GYPC: variants seen among roughly 807,000 people sequenced by gnomAD.
GYPC encodes glycophorin-C.
In GYPC, 14 loss-of-function variants were observed where a neutral mutation model predicts 12.6. That is an observed-to-expected ratio of 1.11 (90% CI 0.74 to 1.74). The LOEUF (loss-of-function observed/expected upper bound fraction) is 1.74. Among genes scored for constraint, GYPC ranks in the 40% most tolerant of loss-of-function variants. The pLI, the probability that GYPC is intolerant of heterozygous loss-of-function variation, is 0.00. For synonymous variants in GYPC, 78 were observed against 62.1 expected (o/e 1.26, Z -1.20); for missense variants, 225 against 172.1 (o/e 1.31, Z -1.72).
chr2:126,665,484 A>G (rs1184938794), intron 1 of GYPC, among the ~76,000 whole-genome samples: 1 of 152,210 alleles, frequency 6.6e-6, no homozygotes, highest in Non-Finnish European at 1.5e-5. Flanking sequence ...GTAAGGGGGA[A>G]CCACCGATTC....
intron 1 of GYPC, among the ~76,000 whole-genome samples, chr2:126,674,772 C>T (rs1183925591): frequency 6.6e-6 from 1 of 152,164 alleles, no homozygotes; most frequent in East Asian, 1.9e-4. Context: ...TGGAGGGGTT[C>T]ACCCCTCCGA....
chr2:126,692,754 C>T (rs939767687), intron 2 of GYPC, among the ~76,000 whole-genome samples: 39 of 152,220 alleles, frequency 2.6e-4, no homozygotes, highest in African/African-American at 9.1e-4. Flanking sequence ...TGGTCCTTCC[C>T]ACAGCAGAGT....
At chr2:126,662,269 T>C (rs148091078) in intron 1 of GYPC, among the ~76,000 whole-genome samples, 28 of 152,232 alleles carry the variant, frequency 1.8e-4, no homozygotes, top group Non-Finnish European at 3.2e-4. Flanking sequence ...TCTCCTGTAT[T>C]CACCGGGCAA....
chr2:126,693,344 G>T (rs1184822519), intron 2 of GYPC, among the ~76,000 whole-genome samples: 1 of 152,166 alleles, frequency 6.6e-6, no homozygotes, highest in African/African-American at 2.4e-5. Flanking sequence ...AGTGGGAGTA[G>T]TATGAGGCCC....
rs371398286 is a variant in GYPC, at chr2:126,690,353, G to A, written c.106+42G>A. ...GAGCCTCACCATAATGGAAACTGCCGTGACTTCAGATGAGCTCTCATCACA... is the reference window on the plus strand; with the variant it reads ...GAGCCTCACCATAATGGAAACTGCCATGACTTCAGATGAGCTCTCATCACA... On this transcript the variant is annotated intron_variant, in intron 2 of 3. Coordinates refer to ENST00000259254, the MANE Select transcript of GYPC (RefSeq NM_002101.5). 430 of 1,427,262 alleles carry A rather than the reference G, an allele frequency of 3.0e-4. 2 individuals carry two copies. The highest frequency in any genetic ancestry group is 1.0e-3 in the Middle Eastern group (6 of 5,716). The allele number at this position is 1,427,262 out of a possible 1,614,324, so 88.4% of individuals were successfully genotyped here.
intron 2 of GYPC, among the ~76,000 whole-genome samples, chr2:126,690,920 TTAA>T (rs1164185932): frequency 6.6e-6 from 1 of 151,948 alleles, no homozygotes; most frequent in African/African-American, 2.4e-5. Context: ...CAGCAGCTTA[TTAA>T]TAACTCAGGA....
At chr2:126,679,354 T>G (rs1166601923) in intron 1 of GYPC, among the ~76,000 whole-genome samples, 1 of 152,154 alleles carries the variant, frequency 6.6e-6, no homozygotes, top group Non-Finnish European at 1.5e-5. Flanking sequence ...TGACAGTCAT[T>G]AATGTCATTG....
intron 2 of GYPC, among the ~76,000 whole-genome samples, chr2:126,691,475 G>T (rs1208707265): frequency 6.6e-6 from 1 of 152,110 alleles, no homozygotes; most frequent in East Asian, 1.9e-4. Flanking sequence ...TGCTCCTCCT[G>T]CAGACTCACC....
intron 1 of GYPC, among the ~76,000 whole-genome samples, chr2:126,670,352 G>A (rs1389961898): frequency 2.2e-4 from 34 of 152,168 alleles, no homozygotes; most frequent in Admixed American, 2.2e-3. Flanking sequence ...TCCAACCAGT[G>A]CACTCACAGA....
At position 126,686,526 on chromosome 2, in the gene GYPC, G is replaced by A. The variant is rs574470533; in HGVS notation, c.50-3729G>A. 1.6e-3 allele frequency: 1,549 copies of A among 985,450 alleles called. 4 individuals carry two copies. The highest frequency in any genetic ancestry group is 1.7e-3 in the Non-Finnish European group (1,431 of 829,950). 61.0% of individuals were successfully genotyped at this position (985,450 alleles called of 1,614,324 possible). On this transcript the variant is annotated intron_variant, in intron 1 of 3. Transcript: ENST00000259254. ...GTGAAGGCTGCAGTTTAGTTGGTTC[G>A]TGGTTCCCCAGAAGGCTTTCAAACA...
At chr2:126,677,148 C>G (rs989768678) in intron 1 of GYPC, among the ~76,000 whole-genome samples, 2 of 151,722 alleles carry the variant, frequency 1.3e-5, no homozygotes, top group African/African-American at 4.8e-5. Context: ...GTGTGTGCAC[C>G]TGTCTGTGCA....
chr2:126,684,950 G>A (rs1054462582), intron 1 of GYPC, among the ~76,000 whole-genome samples: 5 of 152,152 alleles, frequency 3.3e-5, no homozygotes, highest in Non-Finnish European at 7.3e-5. Flanking sequence ...CCTCTCCCCT[G>A]TAACTCTGTG....
intron 1 of GYPC, among the ~76,000 whole-genome samples, chr2:126,664,833 G>A (rs907602721): frequency 7.9e-5 from 12 of 152,122 alleles, no homozygotes; most frequent in Non-Finnish European, 1.6e-4. Context: ...TGTCTGTCAC[G>A]GGAGGACTCC....
At chr2:126,659,857 T>C (rs1193438126) in intron 1 of GYPC, among the ~76,000 whole-genome samples, 1 of 150,900 alleles carries the variant, frequency 6.6e-6, no homozygotes, top group Admixed American at 6.6e-5. Context: ...TCTCAGGTCA[T>C]TGCACCCTCC....
intron 1 of GYPC, among the ~76,000 whole-genome samples, chr2:126,670,631 C>T (rs1416626490): frequency 6.6e-6 from 1 of 152,222 alleles, no homozygotes; most frequent in Non-Finnish European, 1.5e-5. Flanking sequence ...ACAGCTCAGC[C>T]TCTTGGTGGC....
At chr2:126,665,859 G>T (rs1163447137) in intron 1 of GYPC, among the ~76,000 whole-genome samples, 1 of 152,214 alleles carries the variant, frequency 6.6e-6, no homozygotes, top group Non-Finnish European at 1.5e-5. Context: ...GGCTCAAAGA[G>T]GTGATTTCCC....
intron 1 of GYPC, among the ~76,000 whole-genome samples, chr2:126,667,889 C>A (rs1245117986): frequency 6.6e-6 from 1 of 152,188 alleles, no homozygotes; most frequent in Non-Finnish European, 1.5e-5. Context: ...ATGCAAGGTG[C>A]TGCACAGGAG....
chr2:126,666,708 TACACACACAC>T (rs67904410), intron 1 of GYPC, among the ~76,000 whole-genome samples: 26,947 of 118,432 alleles, frequency 0.23, 3,529 homozygotes, highest in Non-Finnish European at 0.26. Context: ...CCTCCCTCCC[TACACACACAC>T]ACACACACAC....
At chr2:126,686,068 T>C (rs988174769) in intron 1 of GYPC, 3 of 984,632 alleles carry the variant, frequency 3.0e-6, no homozygotes, top group South Asian at 9.4e-5. Context: ...AGGGGAGCCA[T>C]AGGAGATGGG....
Sources: allele counts gnomAD v4.1 joint callset (sites outside exome capture counted in the v4.1 genomes callset), GRCh38; gene constraint gnomAD v4.1.1; transcripts MANE v1.5; gene names NCBI Gene and HGNC (gene_info 2026-07-23, HGNC 2026-07-21).